LIPI: variants seen among roughly 807,000 people sequenced by gnomAD.
LIPI encodes lipase I, also known as lipase member I.
In LIPI, 59 loss-of-function variants were observed where a neutral mutation model predicts 50.6. That is an observed-to-expected ratio of 1.16 (90% confidence interval 0.94 to 1.45). LIPI has a LOEUF of 1.45. Ranked by LOEUF, LIPI falls within the 40% of genes most tolerant of loss-of-function variation. LIPI has a pLI of 0.00. For missense variants in LIPI, 586 were observed against 536.3 expected, an observed-to-expected ratio of 1.09 and a Z score of -0.92; for synonymous variants, 203 against 178.2, an observed-to-expected ratio of 1.14 and a Z score of -1.11.
chr21:14,165,139 C>G (rs1339817888), intron 6 of LIPI, 84 bp downstream of exon 6: 1 of 1,040,672 alleles, frequency 9.6e-7, no homozygotes, highest in Non-Finnish European at 1.5e-6. Context: ...ACAGAGTGCA[C>G]AGTTTAGCTT....
chr21:14,136,242 G>A (rs2017494738), intron 9 of LIPI, among the ~76,000 whole-genome samples: 1 of 152,142 alleles, frequency 6.6e-6, no homozygotes, highest in African/African-American at 2.4e-5. Context: ...TGCTACAGGA[G>A]GGTAGAGCAC....
At chr21:14,161,562 ATATC>A (rs1372365386) in intron 7 of LIPI, among the ~76,000 whole-genome samples, 2 of 103,604 alleles carry the variant, frequency 1.9e-5, no homozygotes, top group African/African-American at 7.7e-5. Flanking sequence ...TTAATATATT[ATATC>A]TATTATATAT....
At chr21:14,130,945 G>T (rs1488555035) in intron 9 of LIPI, among the ~76,000 whole-genome samples, 2 of 151,968 alleles carry the variant, frequency 1.3e-5, no homozygotes, top group African/African-American at 4.8e-5. Flanking sequence ...TAACTTTTTT[G>T]TTGTTGTTGT....
At chr21:14,172,610 G>T (rs1179102941) in intron 4 of LIPI, among the ~76,000 whole-genome samples, 1 of 151,476 alleles carries the variant, frequency 6.6e-6, no homozygotes, top group African/African-American at 2.4e-5. Context: ...GTAAACTATC[G>T]CAAGAACAAA....
At chr21:14,159,306 C>T (rs1299297383) in intron 7 of LIPI, among the ~76,000 whole-genome samples, 1 of 150,932 alleles carries the variant, frequency 6.6e-6, no homozygotes, top group Non-Finnish European at 1.5e-5. Flanking sequence ...CGCACTAAGC[C>T]CAAGTAGAAT....
intron 9 of LIPI, among the ~76,000 whole-genome samples, chr21:14,111,277 C>A (rs1568826247): frequency 6.6e-6 from 1 of 151,974 alleles, no homozygotes; most frequent in Non-Finnish European, 1.5e-5. Flanking sequence ...ATGGTAATAG[C>A]CATTCTAACA....
At chr21:14,168,276 T>G (rs1050894625) in intron 4 of LIPI, among the ~76,000 whole-genome samples, 4 of 152,208 alleles carry the variant, frequency 2.6e-5, no homozygotes, top group African/African-American at 9.7e-5. Context: ...TGGAACCAAG[T>G]TGGAAAACAC....
chr21:14,171,866 G>C (rs1014865791), intron 4 of LIPI, among the ~76,000 whole-genome samples: 38 of 149,706 alleles, frequency 2.5e-4, no homozygotes, highest in African/African-American at 9.0e-4. Flanking sequence ...ATTGAGAAAT[G>C]GGATCTAATT....
chr21:14,188,484 C>T (rs2019531571), intron 2 of LIPI, among the ~76,000 whole-genome samples: 1 of 144,070 alleles, frequency 6.9e-6, no homozygotes, highest in African/African-American at 2.6e-5. Flanking sequence ...AGGAGTATCA[C>T]TTGACCCTGG....
chr21:14,116,779 A>C (rs747537436), intron 9 of LIPI, among the ~76,000 whole-genome samples: 13 of 152,158 alleles, frequency 8.5e-5, no homozygotes, highest in Non-Finnish European at 1.3e-4. Flanking sequence ...TGCTTTGAAG[A>C]TTATTGTAAG....
rs190276844 is a variant in LIPI, at chr21:14,197,407, C to G, written c.47-7988G>C. 1.3e-4 allele frequency among the ~76,000 whole-genome samples: 19 copies of G among 151,966 alleles called. No homozygotes were observed. The East Asian group carries it at 3.1e-3, about 25-fold the overall frequency. ...TTGCAGGTGCTGACAAACAAAATAGCCAGTATAGAGGATAATGTAACTGAC... is the reference window on the plus strand; with the variant it reads ...TTGCAGGTGCTGACAAACAAAATAGGCAGTATAGAGGATAATGTAACTGAC... On this transcript the variant is annotated intron_variant, in intron 1 of 9. Transcript: ENST00000681601.
At chr21:14,207,480 A>G (rs1461039016) in intron 1 of LIPI, among the ~76,000 whole-genome samples, 1 of 152,222 alleles carries the variant, frequency 6.6e-6, no homozygotes, top group Non-Finnish European at 1.5e-5. Context: ...CAACTCATTT[A>G]TGCAAATGTT....
At chr21:14,149,995 G>A (rs560344694) in intron 8 of LIPI, among the ~76,000 whole-genome samples, 1 of 152,276 alleles carries the variant, frequency 6.6e-6, no homozygotes, top group Admixed American at 6.5e-5. Context: ...ACGAGGCAGT[G>A]CCCCAGTGGG....
At chr21:14,162,307 CG>C (rs534653689) in intron 7 of LIPI, among the ~76,000 whole-genome samples, 315 of 151,108 alleles carry the variant, frequency 2.1e-3, no homozygotes, top group South Asian at 8.8e-3. Context: ...GAATGGATAC[CG>C]GGGGGATGGG....
chr21:14,170,892 G>C (rs1347577718), intron 4 of LIPI, among the ~76,000 whole-genome samples: 1 of 151,654 alleles, frequency 6.6e-6, no homozygotes, highest in Admixed American at 6.6e-5. Context: ...AGGAAATAAA[G>C]GGTATTCAAT....
chr21:14,111,877 G>C (rs1370415761), intron 9 of LIPI, among the ~76,000 whole-genome samples: 2 of 151,880 alleles, frequency 1.3e-5, no homozygotes, highest in Non-Finnish European at 2.9e-5. Context: ...GATTCAGGGG[G>C]TACATGTGCA....
intron 1 of LIPI, among the ~76,000 whole-genome samples, chr21:14,193,599 T>A (rs1264499024): frequency 6.6e-6 from 1 of 152,086 alleles, no homozygotes; most frequent in Non-Finnish European, 1.5e-5. Flanking sequence ...AATGCTGCAC[T>A]AACATCAAGC....
chr21:14,144,365 T>A, intron 9 of LIPI: 1 of 283,188 alleles, frequency 3.5e-6, no homozygotes, highest in Non-Finnish European at 6.7e-6. Context: ...TTGGTGTTAC[T>A]TTTTTTTATC....
At chr21:14,152,521 A>AAC (rs1173231962) in intron 8 of LIPI, 52 bp downstream of exon 8, 16 of 879,874 alleles carry the variant, frequency 1.8e-5, no homozygotes, top group Non-Finnish European at 3.0e-5. Flanking sequence ...TGGGATACTG[A>AAC]AGAAAGCAAA....
Sources: allele counts gnomAD v4.1 joint callset (sites outside exome capture counted in the v4.1 genomes callset), GRCh38; gene constraint gnomAD v4.1.1; transcripts MANE v1.5; gene names NCBI Gene and HGNC (gene_info 2026-07-23, HGNC 2026-07-21).